HAO1: variants seen among roughly 807,000 people sequenced by gnomAD.
HAO1 encodes 2-Hydroxyacid oxidase 1.
In HAO1, 34 loss-of-function variants were observed where a neutral mutation model predicts 39.7. The ratio of observed to expected loss-of-function variants is 0.86; its 90% confidence interval spans 0.65 to 1.14. The LOEUF (loss-of-function observed/expected upper bound fraction) is 1.14, where lower values mean the gene tolerates loss of function less well. Among genes scored for constraint, HAO1 ranks in the 50% most tolerant of loss-of-function variants. The pLI, the probability that HAO1 is intolerant of heterozygous loss-of-function variation, is 0.00. For synonymous variants in HAO1, 172 were observed against 173.2 expected (o/e 0.99, Z 0.05); for missense variants, 479 against 464.5 (o/e 1.03, Z -0.29).
At chr20:7,885,270 A>G (rs1015728074) in intron 7 of HAO1, among the ~76,000 whole-genome samples, 3 of 152,164 alleles carry the variant, frequency 2.0e-5, no homozygotes, top group Non-Finnish European at 2.9e-5. Context: ...GAAGAATATG[A>G]TGTTACAACC....
chr20:7,893,517 G>A (rs1052502824), intron 5 of HAO1, among the ~76,000 whole-genome samples: 4 of 152,112 alleles, frequency 2.6e-5, no homozygotes, highest in African/African-American at 4.8e-5. Context: ...TGGGGATAAC[G>A]TCACCATTGT....
intron 3 of HAO1, among the ~76,000 whole-genome samples, chr20:7,911,687 A>G (rs1983559): frequency 0.51 from 77,592 of 152,050 alleles, 22,991 homozygotes; most frequent in East Asian, 0.99. Context: ...GCCAAGAGAC[A>G]GGACCCTCCC....
At chr20:7,913,185 T>TC (rs1326314517) in intron 3 of HAO1, among the ~76,000 whole-genome samples, 2 of 150,862 alleles carry the variant, frequency 1.3e-5, no homozygotes, top group South Asian at 4.2e-4. Flanking sequence ...TTTTTTTTTT[T>TC]CCAAATACAA....
intron 2 of HAO1, among the ~76,000 whole-genome samples, chr20:7,928,866 A>T (rs1042248970): frequency 1.3e-5 from 2 of 152,132 alleles, no homozygotes; most frequent in Admixed American, 1.3e-4. Context: ...ATTTTGATTT[A>T]TTTGCCCACA....
At chr20:7,894,107 A>AG (rs1480376376) in intron 5 of HAO1, among the ~76,000 whole-genome samples, 1 of 152,164 alleles carries the variant, frequency 6.6e-6, no homozygotes. Context: ...ACAGCACATA[A>AG]GGGAACCACT....
chr20:7,934,792 CTGTT>C (rs1266886836), intron 1 of HAO1, among the ~76,000 whole-genome samples, 157 bp from the exon 2 acceptor site: 3 of 152,236 alleles, frequency 2.0e-5, no homozygotes, highest in South Asian at 2.1e-4. Context: ...GGCAATTTTA[CTGTT>C]TGTTTGGTTA....
At chr20:7,932,099 A>C (rs2050388352) in intron 2 of HAO1, among the ~76,000 whole-genome samples, 1 of 152,090 alleles carries the variant, frequency 6.6e-6, no homozygotes, top group South Asian at 2.1e-4. Flanking sequence ...TCATGAGATC[A>C]GATGGTTTTA....
At chr20:7,885,395 C>T in intron 7 of HAO1, 126 bp downstream of exon 7, 1 of 670,046 alleles carries the variant, frequency 1.5e-6, no homozygotes. Context: ...AATATGGAGT[C>T]AACGTCAAAT....
At chr20:7,934,113 A>G (rs1389211216) in intron 2 of HAO1, among the ~76,000 whole-genome samples, 1 of 152,152 alleles carries the variant, frequency 6.6e-6, no homozygotes, top group Non-Finnish European at 1.5e-5. Flanking sequence ...CCTGTCAGAG[A>G]TCCATTTCCT....
Position 7,921,710 on chromosome 20 carries a change from C to T in HAO1, c.290-7291G>A, listed in dbSNP as rs144337805. On this transcript the variant is annotated intron_variant, in intron 2 of 7. Transcript: ENST00000378789. ...CAAAGACATGGAATCAATCCAGGTG[C>T]CCACCAATGGTGGATTGAATTTTTA... Among the ~76,000 whole-genome samples, 338 of 152,144 alleles carry T rather than the reference C, an allele frequency of 2.2e-3. 4 individuals carry two copies. The highest frequency in any genetic ancestry group is 0.014 in the Middle Eastern group (4 of 294).
intron 2 of HAO1, among the ~76,000 whole-genome samples, chr20:7,915,887 G>A (rs1246404362): frequency 6.6e-6 from 1 of 152,054 alleles, no homozygotes; most frequent in Non-Finnish European, 1.5e-5. Flanking sequence ...GAATTATGGG[G>A]TTAGTTTAAT....
chr20:7,922,941 G>A (rs944119278), intron 2 of HAO1, among the ~76,000 whole-genome samples: 1 of 151,992 alleles, frequency 6.6e-6, no homozygotes, highest in African/African-American at 2.4e-5. Context: ...CATGATTTCT[G>A]TTTTATAGAA....
At chr20:7,922,059 C>A (rs1428955996) in intron 2 of HAO1, among the ~76,000 whole-genome samples, 4 of 151,862 alleles carry the variant, frequency 2.6e-5, no homozygotes, top group African/African-American at 9.7e-5. Flanking sequence ...CAGCATCATG[C>A]AATATACCTT....
chr20:7,883,432 A>C lies in HAO1; in HGVS notation c.*161T>G. The stretch of plus-strand genomic sequence containing the variant: ...CCTAGGACACCCATTGAAAAGTCAA[A>C]AGCAATGAAATAAAAGGGATTGCTA... On this transcript the variant is annotated 3_prime_UTR_variant, in exon 8 of 8. Transcript: ENST00000378789. 1.6e-6 allele frequency: 1 copy of C among 620,662 alleles called. No homozygotes were observed. The highest frequency in any genetic ancestry group is 2.9e-6 in the Non-Finnish European group (1 of 345,966). 38.4% of individuals were successfully genotyped at this position (620,662 alleles called of 1,614,324 possible). A position where few individuals can be genotyped will look rare whatever the true frequency, so the allele number is the denominator to read the frequency against.
chr20:7,918,062 G>A (rs1465888073), intron 2 of HAO1, among the ~76,000 whole-genome samples: 1 of 152,134 alleles, frequency 6.6e-6, no homozygotes, highest in Non-Finnish European at 1.5e-5. Context: ...ATTTTGAATT[G>A]GCATCCCCAA....
chr20:7,912,355 C>G (rs1341791571), intron 3 of HAO1, among the ~76,000 whole-genome samples: 1 of 152,080 alleles, frequency 6.6e-6, no homozygotes, highest in African/African-American at 2.4e-5. Flanking sequence ...GTAGATGCCT[C>G]TGTGAAACAT....
chr20:7,895,873 C>T (rs1435257233), intron 4 of HAO1, among the ~76,000 whole-genome samples: 4 of 152,016 alleles, frequency 2.6e-5, no homozygotes, highest in Non-Finnish European at 5.9e-5. Flanking sequence ...TGGTGAAACC[C>T]CATCTCTACT....
intron 3 of HAO1, 66 bp from the exon 4 acceptor site, chr20:7,906,395 C>G (rs1239222041): frequency 1.1e-6 from 1 of 890,958 alleles, no homozygotes; most frequent in African/African-American, 1.7e-5. Flanking sequence ...ATGATTCATT[C>G]AATGAAAAAT....
chr20:7,903,012 A>T (rs2050227599), intron 4 of HAO1, among the ~76,000 whole-genome samples: 1 of 152,324 alleles, frequency 6.6e-6, no homozygotes, highest in African/African-American at 2.4e-5. Flanking sequence ...CTGAAAAAGG[A>T]AAATGAAAGA....
Sources: gnomAD v4.1 joint callset for allele counts (sites outside exome capture counted in the v4.1 genomes callset) on GRCh38, gnomAD v4.1.1 for gene constraint, MANE v1.5 for transcripts, NCBI Gene and HGNC (gene_info 2026-07-23, HGNC 2026-07-21) for gene names.